ROBO2: variants seen among roughly 807,000 people sequenced by gnomAD.
ROBO2 encodes roundabout homolog 2.
In ROBO2, 53 loss-of-function variants were observed where a neutral mutation model predicts 160.8. The ratio of observed to expected loss-of-function variants is 0.33; its 90% CI spans 0.26 to 0.41. ROBO2 has a LOEUF of 0.41. Ranked by LOEUF, ROBO2 falls within the 10% of genes least tolerant of loss-of-function variation. The pLI is 1.00. For missense variants in ROBO2, 1,577 were observed against 1,722.4 expected (o/e 0.92, Z 1.49); for synonymous variants, 664 against 611.7 (o/e 1.09, Z -1.26).
chr3:76,660,058 C>T (rs182373306), intron 2 of ROBO2, among the ~76,000 whole-genome samples: 24 of 152,188 alleles, frequency 1.6e-4, no homozygotes, highest in Admixed American at 1.5e-3. Flanking sequence ...TTGTTACTTG[C>T]CATTAATAAA....
chr3:76,883,395 C>A (rs954525582), intron 2 of ROBO2, among the ~76,000 whole-genome samples: 1 of 152,136 alleles, frequency 6.6e-6, no homozygotes, highest in Non-Finnish European at 1.5e-5. Flanking sequence ...AGAAATGATC[C>A]TAAACTTTGT....
At position 77,487,851 on chromosome 3, in the gene ROBO2, A is replaced by C. The variant is rs576382815; in HGVS notation, c.668-5393A>C. Among the ~76,000 whole-genome samples the C allele has an allele frequency of 3.3e-5, 5 of 152,300 alleles. No individual in the cohort carries two copies. The South Asian group carries it at 8.3e-4, about 25-fold the overall frequency. On this transcript the variant is annotated intron_variant, in intron 4 of 25. Coordinates refer to ENST00000461745, the Ensembl canonical transcript of ROBO2. ...ATAATGTTAAGCGAAGTTTATTTTT[A>C]AAATTTTATGGTCATTTGAGAAATA... is the stretch of plus-strand genomic sequence containing the variant.
At chr3:76,856,273 T>C (rs2070065908) in intron 2 of ROBO2, among the ~76,000 whole-genome samples, 1 of 152,224 alleles carries the variant, frequency 6.6e-6, no homozygotes, top group Non-Finnish European at 1.5e-5. Flanking sequence ...ATCGATCCTT[T>C]ACCACATCCT....
At chr3:76,063,420 G>T (rs112889431) in intron 2 of ROBO2, among the ~76,000 whole-genome samples, 270 of 145,800 alleles carry the variant, frequency 1.9e-3, no homozygotes, top group African/African-American at 6.8e-3. Flanking sequence ...AGGGCTCATT[G>T]CAGCCTTGAT....
chr3:77,548,097 C>T (rs1259510430), intron 7 of ROBO2, among the ~76,000 whole-genome samples: 1 of 150,824 alleles, frequency 6.6e-6, no homozygotes, highest in Admixed American at 6.7e-5. Context: ...GACATACATG[C>T]ACACACATAG....
chr3:77,171,366 A>G (rs2079615364), intron 2 of ROBO2, among the ~76,000 whole-genome samples: 1 of 152,250 alleles, frequency 6.6e-6, no homozygotes, highest in Non-Finnish European at 1.5e-5. Flanking sequence ...CGTCCTGCTT[A>G]GAAAACTGAT....
At chr3:76,455,423 C>A (rs1275311726) in intron 2 of ROBO2, among the ~76,000 whole-genome samples, 1 of 151,956 alleles carries the variant, frequency 6.6e-6, no homozygotes, top group Non-Finnish European at 1.5e-5. Context: ...AATTTTCATG[C>A]TCTTCATTTT....
chr3:76,547,202 A>G (rs947865079), intron 2 of ROBO2, among the ~76,000 whole-genome samples: 7 of 152,070 alleles, frequency 4.6e-5, no homozygotes, highest in African/African-American at 1.7e-4. Context: ...AGCAAATTCT[A>G]TAATTTACTT....
chr3:76,977,547 T>TC (rs2059874298), intron 2 of ROBO2, among the ~76,000 whole-genome samples: 1 of 152,174 alleles, frequency 6.6e-6, no homozygotes, highest in South Asian at 2.1e-4. Context: ...ATAACTTGGT[T>TC]GAGTATTTAG....
At chr3:76,907,823 GGTGTGTGTGTGTGT>G (rs71104638) in intron 2 of ROBO2, among the ~76,000 whole-genome samples, 1 of 145,432 alleles carries the variant, frequency 6.9e-6, no homozygotes, top group African/African-American at 2.6e-5. Context: ...GTTTGTTTGG[GGTGTGTGTGTGTGT>G]GTGTGTGTGT....
intron 2 of ROBO2, among the ~76,000 whole-genome samples, chr3:76,547,886 T>C (rs1356699106): frequency 3.9e-5 from 6 of 152,144 alleles, no homozygotes; most frequent in Admixed American, 3.9e-4. Flanking sequence ...ACTACAGATG[T>C]TGCTATGGGG....
intron 2 of ROBO2, among the ~76,000 whole-genome samples, chr3:77,185,015 T>G (rs908578428): frequency 6.6e-6 from 1 of 151,716 alleles, no homozygotes; most frequent in Non-Finnish European, 1.5e-5. Flanking sequence ...AGAAATAGAG[T>G]ATAATGCATG....
At chr3:76,145,812 T>C (rs1012683394) in intron 2 of ROBO2, among the ~76,000 whole-genome samples, 2 of 152,076 alleles carry the variant, frequency 1.3e-5, no homozygotes, top group African/African-American at 2.4e-5. Context: ...GTTTGGTTCT[T>C]ACAAAAATAG....
At chr3:77,175,367 A>G (rs1027880524) in intron 2 of ROBO2, among the ~76,000 whole-genome samples, 3 of 152,060 alleles carry the variant, frequency 2.0e-5, no homozygotes, top group Admixed American at 1.3e-4. Flanking sequence ...TAGAGCATCA[A>G]TAGGGAAATA....
At chr3:77,084,698 C>A (rs2149963973) in intron 1 of ROBO2, among the ~76,000 whole-genome samples, 1 of 152,174 alleles carries the variant, frequency 6.6e-6, no homozygotes, top group South Asian at 2.1e-4. Context: ...AGTAAATGGG[C>A]TGAGTGGAAA....
chr3:76,287,974 A>G (rs1184954267), intron 2 of ROBO2, among the ~76,000 whole-genome samples: 1 of 106,170 alleles, frequency 9.4e-6, no homozygotes, highest in Non-Finnish European at 1.7e-5. Flanking sequence ...GAAAAAAATA[A>G]TGAGTAAAAA....
intron 6 of ROBO2, among the ~76,000 whole-genome samples, chr3:77,530,187 A>G (rs1582740798): frequency 6.6e-6 from 1 of 152,134 alleles, no homozygotes; most frequent in Admixed American, 6.6e-5. Flanking sequence ...TGTAGTTCCA[A>G]TATAAATTAG....
chr3:76,051,608 A>G (rs2067655360), intron 2 of ROBO2, among the ~76,000 whole-genome samples: 1 of 152,124 alleles, frequency 6.6e-6, no homozygotes, highest in Admixed American at 6.5e-5. Flanking sequence ...TTTTCATGCA[A>G]ATTGTGTGGG....
chr3:75,962,980 G>C (rs1334343132), intron 2 of ROBO2, among the ~76,000 whole-genome samples: 1 of 151,546 alleles, frequency 6.6e-6, no homozygotes, highest in Non-Finnish European at 1.5e-5. Context: ...TTTCCTTCAG[G>C]TCTTTCACCT....
Sources: gnomAD v4.1 joint callset for allele counts (sites outside exome capture counted in the v4.1 genomes callset) on GRCh38, gnomAD v4.1.1 for gene constraint, MANE v1.5 for transcripts, NCBI Gene and HGNC (gene_info 2026-07-23, HGNC 2026-07-21) for gene names.